KIF3C: variants seen among roughly 807,000 people sequenced by gnomAD.
KIF3C encodes kinesin-like protein KIF3C.
A neutral mutation model predicts 67.7 loss-of-function variants in KIF3C; 12 were observed. The observed-to-expected ratio is 0.18, with a 90% CI of 0.11 to 0.29. KIF3C has a LOEUF of 0.29. Among genes scored for constraint, KIF3C ranks in the 10% least tolerant of loss-of-function variants. The probability of loss-of-function intolerance (pLI) is 1.00; values close to 1 mark genes in which losing one functional copy is unlikely to be tolerated. For missense variants in KIF3C, 789 were observed against 1,059.6 expected (o/e 0.74, Z 3.55); for synonymous variants, 393 against 426.2 (o/e 0.92, Z 0.96).
intron 5 of KIF3C, among the ~76,000 whole-genome samples, chr2:25,931,937 T>A (rs1236376183): frequency 1.5e-5 from 2 of 135,378 alleles, no homozygotes; most frequent in Admixed American, 1.5e-4. Flanking sequence ...CCTGGCTGTT[T>A]TTTTTTTTTT....
chr2:25,950,154 A>C (rs1469547338), intron 5 of KIF3C, among the ~76,000 whole-genome samples: 1 of 151,522 alleles, frequency 6.6e-6, no homozygotes, highest in African/African-American at 2.4e-5. Flanking sequence ...GGCCTCCCAA[A>C]ATGCTGGGAT....
chr2:25,978,483 C>T (rs1664474233), intron 1 of KIF3C, among the ~76,000 whole-genome samples: 1 of 152,124 alleles, frequency 6.6e-6, no homozygotes. Context: ...CTGGGCAAGT[C>T]CAGGTCTCAG....
At position 25,954,378 on chromosome 2, in the gene KIF3C, G is replaced by A. The variant is rs1159689965; in HGVS notation, c.1778C>T (p.Ala593Val). The A allele has an allele frequency of 1.2e-6, 2 of 1,613,276 alleles. No homozygotes were observed. Among genetic ancestry groups the A allele is most frequent in the Non-Finnish European group, 1.7e-6 (2 of 1,179,784 alleles). Residue 593 changes from alanine (A) to valine (V), a missense_variant, in exon 4 of 8, where the codon GCC becomes GTC. Physicochemically the swap from Ala to Val is moderately conservative, Grantham distance 64. Transcript: ENST00000264712. ...CTCCGCCTTCACCGCCTGCAGCTTG[G>A]CGTAGAGCTGGGTGGGGACAGGTGC... Reference protein sequence around the residue: ...VKTKKLKKLYAKLQAVKAEIQ... With the variant: ...VKTKKLKKLYVKLQAVKAEIQ...
At chr2:25,979,046 C>T (rs574427627) in intron 1 of KIF3C, among the ~76,000 whole-genome samples, 69 of 152,316 alleles carry the variant, frequency 4.5e-4, no homozygotes, top group African/African-American at 1.7e-3. Context: ...CTGTCACTCT[C>T]CCAGTGGCTG....
intron 5 of KIF3C, chr2:25,938,396 G>A (rs539499850): frequency 7.0e-4 from 268 of 383,656 alleles, no homozygotes; most frequent in African/African-American, 5.0e-3. Flanking sequence ...TTTTTGAATC[G>A]GGCAACACCT....
rs1559552529 is a variant in KIF3C at position 25,952,556 on chromosome 2, TA to T, written c.1890-652del. Among the ~76,000 whole-genome samples the T allele has an allele frequency of 1.6e-4, 14 of 88,322 alleles. No individual in the cohort carries two copies. In the East Asian group the frequency reaches 5.5e-3, roughly 35 times the overall value. 57.9% of individuals were successfully genotyped at this position (88,322 alleles called of 152,430 possible). On this transcript the variant is annotated intron_variant, in intron 4 of 7. Coordinates refer to ENST00000264712, the MANE Select transcript of KIF3C (RefSeq NM_002254.8). ...GTGTGTGTGTGTGTGTGTGTATATA[TA>T]TATATATTTTTTTTTTTTTGAGACA...
chr2:25,947,247 A>C (rs933770564), intron 5 of KIF3C, among the ~76,000 whole-genome samples: 50 of 152,206 alleles, frequency 3.3e-4, no homozygotes, highest in Non-Finnish European at 8.8e-5. Flanking sequence ...TTACACAATA[A>C]AGAAAGATCT....
chr2:25,933,516 CA>C (rs953619312), intron 5 of KIF3C, among the ~76,000 whole-genome samples: 1 of 150,008 alleles, frequency 6.7e-6, no homozygotes, highest in Non-Finnish European at 1.5e-5. Flanking sequence ...ACAAAAAATA[CA>C]AAAAAAAATT....
In KIF3C at chr2:25,947,212, A is replaced by T. The variant is rs548686609; in HGVS notation, c.2006+4577T>A. Among the ~76,000 whole-genome samples, 9 of 152,328 alleles carry T rather than the reference A, an allele frequency of 5.9e-5. No individual in the cohort carries two copies. The East Asian group carries it at 1.5e-3, about 26-fold the overall frequency. On this transcript the variant is annotated intron_variant, in intron 5 of 7. Transcript: ENST00000264712. Reference sequence around the variant, plus strand: ...AAAGCAGAAGATCAGGGTAAAAAAGACAATGGGCTAGAAATTGGCAACATT... The same window carrying T: ...AAAGCAGAAGATCAGGGTAAAAAAGTCAATGGGCTAGAAATTGGCAACATT...
Position 25,958,400 on chromosome 2 carries a change from G to A in KIF3C, c.1546-1956C>T, listed in dbSNP as rs1574489859. On this transcript the variant is annotated intron_variant, in intron 1 of 7. Transcript: ENST00000264712. The surrounding 1 kb of genome is among the most constrained non-coding windows in gnomAD (Gnocchi z 4.5). ...GTTCGATACCAGCCTGGCCAAAATG[G>A]AGAAACCCCAGCTCTACTAAAAAGA... Among the ~76,000 whole-genome samples, 1 of 152,122 alleles carries A rather than the reference G, an allele frequency of 6.6e-6. No homozygotes were observed. Among genetic ancestry groups the A allele is most frequent in the African/African-American group, 2.4e-5 (1 of 41,428 alleles).
chr2:25,962,534 A>G (rs1663973610), intron 1 of KIF3C, among the ~76,000 whole-genome samples: 1 of 149,856 alleles, frequency 6.7e-6, no homozygotes, highest in South Asian at 2.1e-4. Flanking sequence ...GCGCACCACC[A>G]CACCCGGCTA....
rs1451865205 is a variant in KIF3C, at chr2:25,962,912, AAT to A, written c.1546-6470_1546-6469del. On this transcript the variant is annotated intron_variant, in intron 1 of 7. Transcript: ENST00000264712. ...ATAATATAAAATATATATAATATAT[AAT>A]ATATATAATATATAATACATATAAT... 7.3e-4 allele frequency among the ~76,000 whole-genome samples: 39 copies of A among 53,118 alleles called. 2 individuals are homozygous for A. Among genetic ancestry groups the A allele is most frequent in the Non-Finnish European group, 8.9e-4 (32 of 36,040 alleles). 34.8% of individuals were successfully genotyped at this position (53,118 alleles called of 152,430 possible). A position where few individuals can be genotyped will look rare whatever the true frequency, so the allele number is the denominator to read the frequency against.
At chr2:25,954,105 G>A (rs2149233265) in intron 4 of KIF3C, 162 bp downstream of exon 4, 9 of 665,442 alleles carry the variant, frequency 1.4e-5, no homozygotes, top group East Asian at 2.5e-5. Flanking sequence ...GGAGGTAGAA[G>A]AAACTCCAGC....
chr2:25,939,709 T>C (rs945976973), intron 5 of KIF3C, among the ~76,000 whole-genome samples: 10 of 151,898 alleles, frequency 6.6e-5, no homozygotes, highest in Admixed American at 1.3e-4. Flanking sequence ...CCCAGCACTT[T>C]TGGGAGGCCG....
intron 1 of KIF3C, among the ~76,000 whole-genome samples, chr2:25,969,428 A>G (rs1158877397): frequency 2.0e-5 from 3 of 152,162 alleles, no homozygotes; most frequent in Admixed American, 6.5e-5. Flanking sequence ...AGAAATCACC[A>G]CTAAAGAACT....
At chr2:25,963,674 TTATTATTATTA>T (rs1559555843) in intron 1 of KIF3C, among the ~76,000 whole-genome samples, 4 of 143,198 alleles carry the variant, frequency 2.8e-5, no homozygotes, top group African/African-American at 7.7e-5. Flanking sequence ...AGTATTATTA[TTATTATTATTA>T]TTATTATTAT....
chr2:25,932,735 A>T (rs935459450), intron 5 of KIF3C, among the ~76,000 whole-genome samples: 1 of 151,928 alleles, frequency 6.6e-6, no homozygotes, highest in African/African-American at 2.4e-5. Flanking sequence ...CAGGAGGCTG[A>T]GGCAGGAGAA....
At chr2:25,965,762 C>T (rs144596537) in intron 1 of KIF3C, among the ~76,000 whole-genome samples, 13 of 152,070 alleles carry the variant, frequency 8.5e-5, no homozygotes, top group Admixed American at 3.3e-4. Context: ...TTCAAGAGAA[C>T]TTCCCTGAAG....
At chr2:25,959,030 C>A (rs924566042) in intron 1 of KIF3C, among the ~76,000 whole-genome samples, 15 of 152,120 alleles carry the variant, frequency 9.9e-5, no homozygotes, top group Non-Finnish European at 2.1e-4. Flanking sequence ...GCCGAGATCA[C>A]GCCATTGTAC....
Sources: gnomAD v4.1 joint callset for allele counts (sites outside exome capture counted in the v4.1 genomes callset) on GRCh38, gnomAD v4.1.1 for gene constraint, Gnocchi (gnomAD v3.1) non-coding constraint, MANE v1.5 for transcripts, NCBI Gene and HGNC (gene_info 2026-07-23, HGNC 2026-07-21) for gene names.